Variants in CAAP1 observed in about 807,000 individuals in gnomAD.
The protein encoded by CAAP1 is conserved anti-apoptotic protein.
In CAAP1, 20 loss-of-function variants were observed where a neutral mutation model predicts 34.0. That is an observed-to-expected ratio of 0.59 (90% CI 0.41 to 0.86). The LOEUF (loss-of-function observed/expected upper bound fraction) is 0.86. Among genes scored for constraint, CAAP1 ranks in the 40% least tolerant of loss-of-function variants. The pLI is 0.00. For synonymous variants in CAAP1, 213 were observed against 166.7 expected, an observed-to-expected ratio of 1.28 and a Z score of -2.14; for missense variants, 538 against 450.5, an observed-to-expected ratio of 1.19 and a Z score of -1.76.
chr9:26,860,393 CA>C (rs1349055213), intron 5 of CAAP1, among the ~76,000 whole-genome samples: 4 of 152,262 alleles, frequency 2.6e-5, no homozygotes, highest in African/African-American at 9.6e-5. Context: ...CAAAATACCT[CA>C]GGGGGAAAAA....
At chr9:26,846,208 G>C (rs1163678255) in intron 5 of CAAP1, among the ~76,000 whole-genome samples, 1 of 152,056 alleles carries the variant, frequency 6.6e-6, no homozygotes, top group African/African-American at 2.4e-5. Flanking sequence ...CACAAGGTCA[G>C]GAGTTCAAGA....
intron 4 of CAAP1, among the ~76,000 whole-genome samples, chr9:26,868,123 ATTCC>A (rs1158566270): frequency 2.6e-5 from 4 of 152,220 alleles, no homozygotes; most frequent in Non-Finnish European, 5.9e-5. Context: ...GTTTCGTACT[ATTCC>A]TTCCTTATTA....
At chr9:26,880,683 C>T in intron 4 of CAAP1, 1 of 152,270 alleles carries the variant, frequency 6.6e-6, no homozygotes, top group East Asian at 1.9e-4. Flanking sequence ...ATCTTTCTTT[C>T]TTTATTTATT....
intron 4 of CAAP1, chr9:26,880,692 T>A (rs1823572091): frequency 6.6e-6 from 1 of 152,452 alleles, no homozygotes; most frequent in Non-Finnish European, 1.5e-5. Flanking sequence ...TCTTTATTTA[T>A]TTTTTGAGAT....
intron 4 of CAAP1, among the ~76,000 whole-genome samples, chr9:26,879,167 G>A (rs902782217): frequency 2.0e-5 from 3 of 152,148 alleles, no homozygotes; most frequent in Non-Finnish European, 2.9e-5. Flanking sequence ...TCCTCAAAGT[G>A]ATTTGAAGTT....
intron 4 of CAAP1, among the ~76,000 whole-genome samples, chr9:26,868,021 T>C (rs1465710832): frequency 1.3e-5 from 2 of 151,992 alleles, no homozygotes; most frequent in Non-Finnish European, 1.5e-5. Flanking sequence ...TTTATCTTTA[T>C]TTTAAACTTG....
rs145732735 is a variant in CAAP1, at chr9:26,842,465, G to A, written c.922C>T (p.Leu308=). The change falls in exon 6 of 6, where the codon CTG becomes TTG. Residue 308 remains leucine (L), a synonymous_variant. Coordinates refer to ENST00000333916, the MANE Select transcript of CAAP1 (RefSeq NM_024828.4). ...IEKSVNEILG[L]AESSPNEPKA... The stretch of plus-strand genomic sequence containing the variant: ...GGTTCGTTTGGGCTAGACTCTGCCA[G>A]TCCTAGAATCTCATTCACACTTTTC... 1.2e-5 allele frequency: 19 copies of A among 1,614,034 alleles called. No individual in the cohort carries two copies. In the African/African-American group the frequency reaches 2.5e-4, roughly 22 times the overall value.
At chr9:26,874,175 C>G (rs1823360059) in intron 4 of CAAP1, among the ~76,000 whole-genome samples, 1 of 117,968 alleles carries the variant, frequency 8.5e-6, no homozygotes, top group Non-Finnish European at 1.6e-5. Flanking sequence ...CCACTGCACT[C>G]AAGCCTGGGC....
intron 5 of CAAP1, among the ~76,000 whole-genome samples, chr9:26,858,049 C>G (rs946236178): frequency 6.6e-6 from 1 of 152,132 alleles, no homozygotes; most frequent in Non-Finnish European, 1.5e-5. Flanking sequence ...AAAGAAAATT[C>G]AATGCTGCTT....
intron 4 of CAAP1, among the ~76,000 whole-genome samples, chr9:26,877,683 G>C (rs1378889841): frequency 6.6e-6 from 1 of 151,936 alleles, no homozygotes; most frequent in African/African-American, 2.4e-5. Flanking sequence ...TTGACTGGAA[G>C]GCTGCTAAAT....
intron 5 of CAAP1, among the ~76,000 whole-genome samples, chr9:26,858,651 T>A (rs907957750): frequency 5.9e-5 from 9 of 151,776 alleles, no homozygotes; most frequent in Admixed American, 5.2e-4. Flanking sequence ...TGAAACCCCG[T>A]CTCTACTAAA....
At chr9:26,859,324 G>A (rs985956690) in intron 5 of CAAP1, among the ~76,000 whole-genome samples, 33 of 152,194 alleles carry the variant, frequency 2.2e-4, no homozygotes, top group Admixed American at 2.1e-3. Flanking sequence ...ACAGCCTGTT[G>A]ACACTAGGAA....
At chr9:26,845,124 T>C (rs1024140748) in intron 5 of CAAP1, among the ~76,000 whole-genome samples, 1 of 152,222 alleles carries the variant, frequency 6.6e-6, no homozygotes, top group African/African-American at 2.4e-5. Context: ...TTTTTCTTCA[T>C]TGCACCTGAC....
intron 5 of CAAP1, among the ~76,000 whole-genome samples, chr9:26,846,441 AAGAAG>A (rs1822608675): frequency 7.7e-6 from 1 of 129,254 alleles, no homozygotes. Flanking sequence ...AAAAAAAAAG[AAGAAG>A]AAAAAAAAGA....
intron 2 of CAAP1, among the ~76,000 whole-genome samples, chr9:26,886,725 A>T (rs1823748404): frequency 6.6e-6 from 1 of 152,234 alleles, no homozygotes; most frequent in Non-Finnish European, 1.5e-5. Context: ...CACCATAAAG[A>T]TTGTATGTCC....
intron 4 of CAAP1, among the ~76,000 whole-genome samples, chr9:26,863,500 T>A (rs974620442): frequency 6.6e-6 from 1 of 152,150 alleles, no homozygotes; most frequent in African/African-American, 2.4e-5. Context: ...AAAGGAAATA[T>A]CTTAAATTGT....
intron 1 of CAAP1, among the ~76,000 whole-genome samples, chr9:26,887,756 A>T (rs1315642823): frequency 1.3e-5 from 2 of 151,890 alleles, no homozygotes; most frequent in East Asian, 1.9e-4. Context: ...ATACACAAAC[A>T]AAAGTATAGT....
chr9:26,861,263 G>T, intron 4 of CAAP1, 124 bp from the exon 5 acceptor site: 4 of 643,328 alleles, frequency 6.2e-6, no homozygotes, highest in Non-Finnish European at 1.1e-5. Context: ...AGCTCCCAGG[G>T]TATCATTCAG....
At chr9:26,882,262 A>G (rs749523153) in intron 4 of CAAP1, among the ~76,000 whole-genome samples, 2 of 152,212 alleles carry the variant, frequency 1.3e-5, no homozygotes, top group African/African-American at 4.8e-5. Context: ...CAATGGGGAA[A>G]ATGTCAGAGG....
Sources: allele counts gnomAD v4.1 joint callset (sites outside exome capture counted in the v4.1 genomes callset), GRCh38; gene constraint gnomAD v4.1.1; transcripts MANE v1.5; gene names NCBI Gene and HGNC (gene_info 2026-07-23, HGNC 2026-07-21).